Variants in SLC35A3 observed in about 807,000 individuals in gnomAD.
SLC35A3 encodes solute carrier family 35 member A3, also known as UDP-N-acetylglucosamine transporter.
Under a neutral mutation model 39.0 loss-of-function variants are expected in SLC35A3, and 26 were observed. The ratio of observed to expected loss-of-function variants is 0.67; its 90% CI spans 0.49 to 0.92. The LOEUF is 0.92. Ranked by LOEUF, SLC35A3 falls within the 40% of genes least tolerant of loss-of-function variation. The pLI is 0.00. For missense variants in SLC35A3, 299 were observed against 371.6 expected (o/e 0.80, Z 1.61); for synonymous variants, 135 against 133.1 (o/e 1.01, Z -0.10).
At chr1:99,970,462 C>A in intron 1 of SLC35A3, 1 of 1,044,962 alleles carries the variant, frequency 9.6e-7, no homozygotes, top group Non-Finnish European at 1.4e-6. Flanking sequence ...CAGTGTGTGC[C>A]TCAGCGCCTG....
At chr1:99,975,967 GA>G (rs1301259333) in intron 1 of SLC35A3, among the ~76,000 whole-genome samples, 1 of 152,128 alleles carries the variant, frequency 6.6e-6, no homozygotes, top group Non-Finnish European at 1.5e-5. Context: ...GGCTGAGGCA[GA>G]AGGATTGCCT....
At chr1:100,021,650 G>T (rs1406981082) in intron 7 of SLC35A3, among the ~76,000 whole-genome samples, 1 of 151,940 alleles carries the variant, frequency 6.6e-6, no homozygotes, top group Non-Finnish European at 1.5e-5. Context: ...AGAGCCTGAG[G>T]GACTGAGTGA....
At position 99,975,398 on chromosome 1, in the gene SLC35A3, T is replaced by C. The variant is rs144870615; in HGVS notation, c.-19+5236T>C. On this transcript the variant is annotated intron_variant, in intron 1 of 7. Coordinates refer to ENST00000533028, the MANE Select transcript of SLC35A3 (RefSeq NM_012243.3). ...ATGGAGAAGCAGGAAATACAGTGAA[T>C]AGAAGAAGGAAATGTATATCATTTG... Among the ~76,000 whole-genome samples, 710 of 152,318 alleles carry C rather than the reference T, an allele frequency of 4.7e-3. 4 individuals carry two copies. Among genetic ancestry groups the C allele is most frequent in the African/African-American group, 0.015 (641 of 41,560 alleles).
intron 5 of SLC35A3, among the ~76,000 whole-genome samples, chr1:100,013,481 C>T (rs189675217): frequency 4.7e-5 from 7 of 149,714 alleles, no homozygotes; most frequent in Admixed American, 3.3e-4. Flanking sequence ...GGTGTGGTAG[C>T]GTGTGCCTGT....
At chr1:99,994,038 CATA>C (rs1288407073) in intron 2 of SLC35A3, among the ~76,000 whole-genome samples, 1 of 151,970 alleles carries the variant, frequency 6.6e-6, no homozygotes, top group African/African-American at 2.4e-5. Context: ...CTAGAAGAAT[CATA>C]ATAATTTTTT....
chr1:100,013,651 A>C (rs1557843227), intron 5 of SLC35A3, among the ~76,000 whole-genome samples: 1 of 151,638 alleles, frequency 6.6e-6, no homozygotes, highest in Non-Finnish European at 1.5e-5. Context: ...GTTATATATA[A>C]AACTCTTCTG....
At chr1:99,992,629 A>C (rs1658156521) in intron 1 of SLC35A3, among the ~76,000 whole-genome samples, 1 of 152,168 alleles carries the variant, frequency 6.6e-6, no homozygotes, top group African/African-American at 2.4e-5. Flanking sequence ...TTGTTGCTGC[A>C]TTTTTAAGAT....
At chr1:100,021,641 G>T (rs749795622) in intron 7 of SLC35A3, among the ~76,000 whole-genome samples, 10 of 152,018 alleles carry the variant, frequency 6.6e-5, no homozygotes, top group Non-Finnish European at 1.3e-4. Context: ...CTGCACTCCA[G>T]AGCCTGAGGG....
intron 1 of SLC35A3, among the ~76,000 whole-genome samples, chr1:99,987,645 T>C (rs1338869805): frequency 6.6e-6 from 1 of 152,168 alleles, no homozygotes; most frequent in Non-Finnish European, 1.5e-5. Flanking sequence ...TAATGATTGT[T>C]GAATCTCTTT....
chr1:100,017,663 TA>T lies in SLC35A3; in HGVS notation c.754-18del. Reference sequence around the variant, plus strand: ...AGTTTTACATGTGTGTTTTAAAAAATATTTTTTTAAAACTTCAGGCACTTGG... The same window carrying T: ...AGTTTTACATGTGTGTTTTAAAAAATTTTTTTTAAAACTTCAGGCACTTGG... On this transcript the variant is annotated intron_variant, in intron 6 of 7. Coordinates refer to ENST00000533028, the MANE Select transcript of SLC35A3 (RefSeq NM_012243.3). The T allele has an allele frequency of 1.4e-6, 2 of 1,474,800 alleles. No homozygotes were observed. The highest frequency in any genetic ancestry group is 1.8e-6 in the Non-Finnish European group (2 of 1,101,488). The allele number at this position is 1,474,800 out of a possible 1,614,324, so 91.4% of individuals were successfully genotyped here. A position where few individuals can be genotyped will look rare whatever the true frequency, so the allele number is the denominator to read the frequency against.
intron 2 of SLC35A3, among the ~76,000 whole-genome samples, chr1:99,995,206 G>A (rs1179755828): frequency 6.8e-6 from 1 of 147,810 alleles, no homozygotes; most frequent in Non-Finnish European, 1.5e-5. Flanking sequence ...AGGCTGGAGT[G>A]CAGTGGCATG....
chr1:99,982,679 T>G (rs140958458), intron 1 of SLC35A3, among the ~76,000 whole-genome samples: 253 of 152,256 alleles, frequency 1.7e-3, no homozygotes, highest in African/African-American at 5.6e-3. Context: ...TCTTTGAACA[T>G]GAAATAAGCT....
intron 1 of SLC35A3, 176 bp downstream of exon 1, chr1:99,970,338 G>T: frequency 3.5e-6 from 2 of 575,624 alleles, no homozygotes; most frequent in East Asian, 2.9e-5. Context: ...GCTAAGTAGG[G>T]GTGGGAGCAG....
intron 1 of SLC35A3, among the ~76,000 whole-genome samples, chr1:99,985,431 AT>A (rs970258526): frequency 3.3e-5 from 5 of 152,078 alleles, no homozygotes; most frequent in African/African-American, 1.2e-4. Flanking sequence ...CTATGTGCCT[AT>A]TTTTATAACA....
At chr1:100,021,292 AG>A (rs1660519962) in intron 7 of SLC35A3, among the ~76,000 whole-genome samples, 1 of 150,966 alleles carries the variant, frequency 6.6e-6, no homozygotes, top group South Asian at 2.1e-4. Flanking sequence ...TGAACCTGGG[AG>A]GCGGAGGTTG....
Position 100,033,433 on chromosome 1 carries a change from A to C in SLC35A3, c.*10957A>C, listed in dbSNP as rs981412028. 8.6e-5 allele frequency: 13 copies of C among 152,002 alleles called. No homozygotes were observed. The highest frequency in any genetic ancestry group is 1.6e-4 in the Non-Finnish European group (11 of 67,980). The allele number at this position is 152,002 out of a possible 1,614,324, so 9.4% of individuals were successfully genotyped here. ...TATCCATCTCTTATAAGTAATTATT[A>C]TAAGTATTTTCTTAGTTTTCCAATT... On this transcript the variant is annotated 3_prime_UTR_variant, in exon 8 of 8. Transcript: ENST00000533028.
At position 100,022,486 on chromosome 1, in the gene SLC35A3, A is replaced by C. The variant is rs746629699; in HGVS notation, c.*10A>C. On this transcript the variant is annotated 3_prime_UTR_variant, in exon 8 of 8. Coordinates refer to ENST00000533028, the MANE Select transcript of SLC35A3 (RefSeq NM_012243.3). ...TCCCACTAAAGCATAGTTGTATACT[A>C]TCTTTAACTGGTTTTTCACGATGGG... 27 of 1,461,350 alleles carry C rather than the reference A, an allele frequency of 1.8e-5. No individual in the cohort carries two copies. The South Asian group carries it at 3.1e-4, about 17-fold the overall frequency. 90.5% of individuals were successfully genotyped at this position (1,461,350 alleles called of 1,614,324 possible). A position where few individuals can be genotyped will look rare whatever the true frequency, so the allele number is the denominator to read the frequency against.
intron 1 of SLC35A3, among the ~76,000 whole-genome samples, chr1:99,976,906 A>G (rs1657137228): frequency 6.6e-6 from 1 of 152,148 alleles, no homozygotes; most frequent in African/African-American, 2.4e-5. Flanking sequence ...CCAAAGCCCC[A>G]GGACAGACAA....
At chr1:99,973,332 T>G (rs1268558055) in intron 1 of SLC35A3, among the ~76,000 whole-genome samples, 1 of 152,216 alleles carries the variant, frequency 6.6e-6, no homozygotes, top group African/African-American at 2.4e-5. Context: ...TTAAATAAGA[T>G]TCAGGTGAAT....
Sources: allele counts gnomAD v4.1 joint callset (sites outside exome capture counted in the v4.1 genomes callset), GRCh38; gene constraint gnomAD v4.1.1; transcripts MANE v1.5; gene names NCBI Gene and HGNC (gene_info 2026-07-23, HGNC 2026-07-21).